Variants in ROBO1 observed in about 807,000 individuals in gnomAD.
ROBO1 encodes the protein roundabout homolog 1.
In ROBO1, 149 loss-of-function variants were observed where a neutral mutation model predicts 195.9. The observed-to-expected ratio is 0.76, with a 90% CI of 0.67 to 0.87. ROBO1 has a LOEUF of 0.87. ROBO1 is among the 40% of genes least tolerant of loss of function. The pLI, the probability that ROBO1 is intolerant of heterozygous loss-of-function variation, is 0.00. For missense variants in ROBO1, 1,933 were observed against 2,068.3 expected (o/e 0.93, Z 1.27); for synonymous variants, 816 against 733.2 (o/e 1.11, Z -1.82).
intron 2 of ROBO1, among the ~76,000 whole-genome samples, chr3:79,166,542 G>A (rs916099687): frequency 2.7e-5 from 4 of 150,298 alleles, no homozygotes; most frequent in Non-Finnish European, 5.9e-5. Flanking sequence ...CAGGATGGAA[G>A]GCAAGTTTTC....
At chr3:79,271,569 C>CT (rs2030563007) in intron 2 of ROBO1, among the ~76,000 whole-genome samples, 3 of 152,078 alleles carry the variant, frequency 2.0e-5, no homozygotes, top group Middle Eastern at 6.8e-3. Context: ...TCTTCCTGCT[C>CT]TTTTTTTGGA....
chr3:79,095,741 CT>C (rs1327706017), intron 3 of ROBO1, among the ~76,000 whole-genome samples: 1 of 151,908 alleles, frequency 6.6e-6, no homozygotes, highest in Non-Finnish European at 1.5e-5. Context: ...CTCTCTCTTA[CT>C]TTTTTTTCTG....
At chr3:79,672,157 A>G (rs1045339628) in intron 1 of ROBO1, among the ~76,000 whole-genome samples, 1 of 152,010 alleles carries the variant, frequency 6.6e-6, no homozygotes, top group African/African-American at 2.4e-5. Flanking sequence ...ATTTTCATTC[A>G]GAGAAGCTGG....
intron 4 of ROBO1, among the ~76,000 whole-genome samples, chr3:78,791,759 C>A (rs1047672182): frequency 2.6e-5 from 4 of 152,162 alleles, no homozygotes; most frequent in Non-Finnish European, 5.9e-5. Flanking sequence ...ACCTTTCTTG[C>A]ACAACTGTGA....
Position 78,854,241 on chromosome 3 carries a change from A to G in ROBO1, c.499+84360T>C, listed in dbSNP as rs1398287110. ...ATTTCTCTATGGTTCCCCTGAATAC[A>G]TACATATATATAATATATATATTAT... On this transcript the variant is annotated intron_variant, in intron 4 of 30. Transcript: ENST00000464233. 3.4e-5 allele frequency among the ~76,000 whole-genome samples: 5 copies of G among 148,552 alleles called. No homozygotes were observed. The East Asian group carries it at 9.8e-4, about 29-fold the overall frequency.
At chr3:79,408,957 A>G (rs1416925549) in intron 2 of ROBO1, among the ~76,000 whole-genome samples, 1 of 152,286 alleles carries the variant, frequency 6.6e-6, no homozygotes, top group Admixed American at 6.5e-5. Context: ...CATTTATTCA[A>G]GAAAATACAC....
chr3:79,751,121 A>C (rs1169143839), intron 1 of ROBO1, among the ~76,000 whole-genome samples: 1 of 152,188 alleles, frequency 6.6e-6, no homozygotes, highest in East Asian at 1.9e-4. Flanking sequence ...CAGTTTTGCA[A>C]ATCAAATGGA....
rs333473 is a variant in ROBO1 at position 78,775,898 on chromosome 3, C to G, written c.500-28998G>C. On this transcript the variant is annotated intron_variant, in intron 4 of 30. Transcript: ENST00000464233. ...TCTGACTGACCAGTGCTCTCAGTAG[C>G]TGACCTCAGCATTTTATTTCACAGA... 2.2e-3 allele frequency among the ~76,000 whole-genome samples: 335 copies of G among 152,282 alleles called. 1 individual carries two copies. The highest frequency in any genetic ancestry group is 7.7e-3 in the South Asian group (37 of 4,828).
intron 2 of ROBO1, among the ~76,000 whole-genome samples, chr3:79,266,552 G>T (rs2029974723): frequency 6.6e-6 from 1 of 151,552 alleles, no homozygotes; most frequent in Non-Finnish European, 1.5e-5. Flanking sequence ...TAAGAACATA[G>T]TTGATGTATT....
chr3:78,639,736 TCCCTA>T lies in ROBO1; in HGVS notation c.3037+3_3037+7del. The T allele has an allele frequency of 6.2e-7, 1 of 1,610,816 alleles. No homozygotes were observed. Reference sequence around the variant, plus strand: ...TTATACATATCAGGCTCTCTCTGTGTCCCTAACCTGGGCGACTGTAGGTAGTGAGG... The same window carrying T: ...TTATACATATCAGGCTCTCTCTGTGTACCTGGGCGACTGTAGGTAGTGAGG... On this transcript the variant is annotated splice_donor_5th_base_variant and intron_variant, in intron 22 of 30. Coordinates refer to ENST00000464233, the MANE Select transcript of ROBO1 (RefSeq NM_002941.4).
chr3:78,817,402 A>G (rs568288958), intron 4 of ROBO1, among the ~76,000 whole-genome samples: 1 of 152,096 alleles, frequency 6.6e-6, no homozygotes, highest in East Asian at 1.9e-4. Flanking sequence ...ATAATCATAA[A>G]TTTTACATGC....
intron 10 of ROBO1, among the ~76,000 whole-genome samples, chr3:78,678,359 C>A (rs965822049): frequency 6.6e-6 from 1 of 151,932 alleles, no homozygotes; most frequent in African/African-American, 2.4e-5. Context: ...ACACAAAAAA[C>A]CCTTCAAAAA....
At chr3:79,721,347 G>T (rs1702693350) in intron 1 of ROBO1, among the ~76,000 whole-genome samples, 1 of 151,760 alleles carries the variant, frequency 6.6e-6, no homozygotes, top group African/African-American at 2.4e-5. Flanking sequence ...GAAACTATGA[G>T]ACTATTGTTT....
At chr3:78,654,269 AGT>A (rs938663966) in intron 18 of ROBO1, among the ~76,000 whole-genome samples, 7 of 152,124 alleles carry the variant, frequency 4.6e-5, no homozygotes, top group Non-Finnish European at 1.0e-4. Context: ...ATGTTGTATG[AGT>A]GTGTGTGGTT....
chr3:78,723,755 TA>T (rs1247782638), intron 5 of ROBO1, among the ~76,000 whole-genome samples: 1 of 152,072 alleles, frequency 6.6e-6, no homozygotes, highest in Non-Finnish European at 1.5e-5. Flanking sequence ...AAACTGTCTA[TA>T]ACGCAGGGAT....
chr3:78,684,259 T>C (rs2081000146), intron 10 of ROBO1, among the ~76,000 whole-genome samples: 1 of 152,134 alleles, frequency 6.6e-6, no homozygotes, highest in Non-Finnish European at 1.5e-5. Flanking sequence ...CTGACATTAT[T>C]TTGAGGCAAA....
chr3:79,405,537 T>C (rs889133528), intron 2 of ROBO1, among the ~76,000 whole-genome samples: 59 of 152,212 alleles, frequency 3.9e-4, no homozygotes, highest in Admixed American at 8.5e-4. Flanking sequence ...TGTATCTTGG[T>C]TACTAATCTT....
intron 4 of ROBO1, among the ~76,000 whole-genome samples, chr3:78,931,241 T>C (rs1343453736): frequency 1.6e-4 from 23 of 139,506 alleles, no homozygotes; most frequent in Non-Finnish European, 2.6e-4. Flanking sequence ...TCTTTCTTTT[T>C]TTTTTTTTTT....
intron 2 of ROBO1, among the ~76,000 whole-genome samples, chr3:79,327,308 A>G (rs982295783): frequency 6.6e-6 from 1 of 151,972 alleles, no homozygotes; most frequent in Non-Finnish European, 1.5e-5. Context: ...ATATAGATAT[A>G]TAAATGTATT....
Sources: gnomAD v4.1 joint callset for allele counts (sites outside exome capture counted in the v4.1 genomes callset) on GRCh38, gnomAD v4.1.1 for gene constraint, MANE v1.5 for transcripts, NCBI Gene and HGNC (gene_info 2026-07-23, HGNC 2026-07-21) for gene names.